The following EXO1 variants were observed in gnomAD, a reference collection of about 807,000 sequenced individuals.
EXO1 encodes exonuclease 1.
A neutral mutation model predicts 84.5 loss-of-function variants in EXO1; 69 were observed. That is an observed-to-expected ratio of 0.82 (90% CI 0.67 to 1.00). The LOEUF (loss-of-function observed/expected upper bound fraction) is 1.00. Ranked by LOEUF, EXO1 falls within the 50% of genes least tolerant of loss-of-function variation. EXO1 has a pLI of 0.00. For missense variants in EXO1, 1,045 were observed against 1,000.7 expected (o/e 1.04, Z -0.60); for synonymous variants, 373 against 366.1 (o/e 1.02, Z -0.21).
At chr1:241,858,020 GTCTCTAT>G (rs1226215698) in intron 7 of EXO1, among the ~76,000 whole-genome samples, 1 of 152,126 alleles carries the variant, frequency 6.6e-6, no homozygotes, top group Non-Finnish European at 1.5e-5. Context: ...GACTAGAAGG[GTCTCTAT>G]CAAAAGGTTA....
rs1179877533 is a variant in EXO1, at chr1:241,853,340, A to T, written c.282-18A>T. On this transcript the variant is annotated intron_variant, in intron 5 of 15. Coordinates refer to ENST00000366548, the MANE Select transcript of EXO1 (RefSeq NM_130398.4). ...CCTCTTAAATGTTTTATATTTAAAA[A>T]ATGTTCTTCCCTTGCAGAAGACGAC... 3.1e-6 allele frequency: 5 copies of T among 1,612,842 alleles called. No homozygotes were observed. Among genetic ancestry groups the T allele is most frequent in the Admixed American group, 1.7e-5 (1 of 59,984 alleles).
chr1:241,865,197 T>A (rs1182866692), intron 10 of EXO1, among the ~76,000 whole-genome samples: 3 of 149,254 alleles, frequency 2.0e-5, no homozygotes, highest in Non-Finnish European at 4.4e-5. Context: ...ATATATATAT[T>A]TTTTGACTTG....
At chr1:241,871,660 G>T (rs184171897) in intron 11 of EXO1, among the ~76,000 whole-genome samples, 342 of 152,154 alleles carry the variant, frequency 2.2e-3, no homozygotes, top group African/African-American at 7.4e-3. Context: ...TTTAACGATT[G>T]ATCATTAACC....
rs936968977 is a variant in EXO1, at chr1:241,889,760, G to A, written c.*160G>A. The A allele has an allele frequency of 1.1e-5, 8 of 696,564 alleles. No homozygotes were observed. The highest frequency in any genetic ancestry group is 2.0e-5 in the Non-Finnish European group (8 of 404,778). 43.1% of individuals were successfully genotyped at this position (696,564 alleles called of 1,614,324 possible). On this transcript the variant is annotated 3_prime_UTR_variant, in exon 16 of 16. Coordinates refer to ENST00000366548, the MANE Select transcript of EXO1 (RefSeq NM_130398.4). ...ATATTAACTTTATAATTGGGTTGTG[G>A]TTTTTTTGCTCAGCTTTTTATATTT...
chr1:241,852,329 C>G lies in EXO1; in HGVS notation c.199C>G (p.Leu67Val). 6 of 1,594,502 alleles carry G rather than the reference C, an allele frequency of 3.8e-6. No individual in the cohort carries two copies. The highest frequency in any genetic ancestry group is 5.2e-6 in the Non-Finnish European group (6 of 1,162,840). ...TTGTATGAAATTTGTAAATATGTTA[C>G]TATCTCATGGGATCAAGCCTATTCT... ...GFCMKFVNMLLSHGIKPILVF... is the reference protein window; with the variant it reads ...GFCMKFVNMLVSHGIKPILVF... The change falls in exon 5 of 16, where the codon CTA becomes GTA. Residue 67 changes from leucine (L) to valine (V), a missense_variant. Physicochemically the swap from Leu to Val is conservative, Grantham distance 32 (BLOSUM62 1). Transcript: ENST00000366548.
intron 4 of EXO1, among the ~76,000 whole-genome samples, chr1:241,850,836 C>CTTTTTTTTTTTTTTTTTT (rs10641736): frequency 9.5e-6 from 1 of 105,088 alleles, no homozygotes; most frequent in Non-Finnish European, 1.8e-5. Flanking sequence ...CTCCTTTATT[C>CTTTTTTTTTTTTTTTTTT]TTTTTTTTTT....
rs1445117695 is a variant in EXO1 at position 241,885,408 on chromosome 1, A to G, written c.2306A>G (p.Lys769Arg). Reference protein sequence around the residue: ...GPARASGLSKKPASIQKRKHH... With the variant: ...GPARASGLSKRPASIQKRKHH... ...GCCAGAGCCAGTGGGCTGAGCAAGA[A>G]GCCGGCAAGCATCCAGAAGAGAAAG... The change falls in exon 15 of 16, where the codon AAG becomes AGG. Residue 769 changes from lysine to arginine, a missense_variant. Transcript: ENST00000366548. The G allele has an allele frequency of 1.1e-5, 17 of 1,613,852 alleles. No individual in the cohort carries two copies. The highest frequency in any genetic ancestry group is 1.4e-5 in the Non-Finnish European group (17 of 1,179,902).
intron 6 of EXO1, among the ~76,000 whole-genome samples, chr1:241,855,249 C>T (rs1210115284): frequency 6.6e-6 from 1 of 151,694 alleles, no homozygotes; most frequent in Admixed American, 6.6e-5. Context: ...GTTTACAATC[C>T]CTGAGCTGGA....
At chr1:241,867,958 A>AT (rs1661845130) in intron 11 of EXO1, among the ~76,000 whole-genome samples, 1 of 151,930 alleles carries the variant, frequency 6.6e-6, no homozygotes, top group Non-Finnish European at 1.5e-5. Context: ...AAAAAAAAAA[A>AT]GGTCAGGCAT....
intron 10 of EXO1, among the ~76,000 whole-genome samples, chr1:241,864,409 C>T (rs1661590137): frequency 6.6e-6 from 1 of 152,214 alleles, no homozygotes; most frequent in Non-Finnish European, 1.5e-5. Flanking sequence ...TGTTTCATCT[C>T]TGTTTTCAGA....
intron 15 of EXO1, among the ~76,000 whole-genome samples, chr1:241,888,683 G>A (rs938233347): frequency 3.3e-5 from 5 of 152,196 alleles, no homozygotes; most frequent in Admixed American, 1.3e-4. Context: ...GTTGACAGGA[G>A]ATAGAATTAC....
In EXO1 at chr1:241,871,911, G is replaced by GTTTTTTTTT. The variant is rs35496250; in HGVS notation, c.1268-111_1268-103dup. 1.5e-5 allele frequency: 8 copies of GTTTTTTTTT among 517,640 alleles called. No individual in the cohort carries two copies. The African/African-American group carries it at 1.7e-4, about 11-fold the overall frequency. The allele number at this position is 517,640 out of a possible 1,614,324, so 32.1% of individuals were successfully genotyped here. Reference sequence around the variant, plus strand: ...CTTATGTTTTCTTTTCTGAGGCATAGTTTTTTTTTTTTTTTTTTAAAGTCC... The same window carrying GTTTTTTTTT: ...CTTATGTTTTCTTTTCTGAGGCATAGTTTTTTTTTTTTTTTTTTTTTTTTTTTAAAGTCC... On this transcript the variant is annotated intron_variant, in intron 11 of 15. Coordinates refer to ENST00000366548, the MANE Select transcript of EXO1 (RefSeq NM_130398.4).
intron 7 of EXO1, 79 bp downstream of exon 7, chr1:241,857,561 C>T (rs1464891266): frequency 1.3e-6 from 1 of 774,060 alleles, no homozygotes; most frequent in Non-Finnish European, 1.9e-6. Context: ...TTTTCCTGTC[C>T]AGGAAATTAT....
chr1:241,875,560 A>G (rs1313193881), intron 12 of EXO1, among the ~76,000 whole-genome samples: 2 of 152,194 alleles, frequency 1.3e-5, no homozygotes, highest in African/African-American at 4.8e-5. Context: ...ATTGGCCACA[A>G]AACTGGAACA....
intron 3 of EXO1, among the ~76,000 whole-genome samples, chr1:241,850,052 C>A (rs987331821): frequency 6.6e-6 from 1 of 152,148 alleles, no homozygotes; most frequent in Non-Finnish European, 1.5e-5. Context: ...GAGGCCGAGG[C>A]GGGCGGATCA....
chr1:241,861,556 G>A, intron 10 of EXO1, 54 bp downstream of exon 10: 1 of 933,882 alleles, frequency 1.1e-6, no homozygotes, highest in Non-Finnish European at 1.8e-6. Flanking sequence ...GTCCCGAGCT[G>A]TGATTAAAGG....
intron 8 of EXO1, among the ~76,000 whole-genome samples, chr1:241,859,523 T>A (rs1661254292): frequency 6.6e-6 from 1 of 152,198 alleles, no homozygotes; most frequent in Non-Finnish European, 1.5e-5. Flanking sequence ...GTTTTTTTTC[T>A]TCTTCACCCT....
chr1:241,867,323 C>T (rs965805441), intron 11 of EXO1, among the ~76,000 whole-genome samples: 2 of 152,054 alleles, frequency 1.3e-5, no homozygotes, highest in Admixed American at 6.5e-5. Flanking sequence ...TGGTAGCAAA[C>T]GAGAAGAATG....
At chr1:241,879,776 G>A (rs539601332) in intron 13 of EXO1, among the ~76,000 whole-genome samples, 3 of 152,126 alleles carry the variant, frequency 2.0e-5, no homozygotes, top group South Asian at 2.1e-4. Context: ...AGGCCGAGGC[G>A]AGCGGATCAC....
Sources: gnomAD v4.1 joint callset for allele counts (sites outside exome capture counted in the v4.1 genomes callset) on GRCh38, gnomAD v4.1.1 for gene constraint, MANE v1.5 for transcripts, NCBI Gene and HGNC (gene_info 2026-07-23, HGNC 2026-07-21) for gene names.